The following ENOSF1 variants were observed in gnomAD, a reference collection of about 807,000 sequenced individuals.
The protein encoded by ENOSF1 is enolase superfamily member 1, also known as mitochondrial enolase superfamily member 1.
A neutral mutation model predicts 68.2 loss-of-function variants in ENOSF1; 73 were observed. The observed-to-expected ratio is 1.07, with a 90% confidence interval of 0.89 to 1.30. The LOEUF (loss-of-function observed/expected upper bound fraction) is 1.30. Among genes scored for constraint, ENOSF1 ranks in the 50% most tolerant of loss-of-function variants. The pLI, the probability that ENOSF1 is intolerant of heterozygous loss-of-function variation, is 0.00. For synonymous variants in ENOSF1, 223 were observed against 210.4 expected (o/e 1.06, Z -0.52); for missense variants, 589 against 554.5 (o/e 1.06, Z -0.62).
intron 5 of ENOSF1, chr18:692,738 G>A (rs2145085195): frequency 3.0e-6 from 3 of 992,566 alleles, no homozygotes; most frequent in Non-Finnish European, 3.6e-6. Flanking sequence ...CCCTTTTGGT[G>A]GCTACCTCCT....
intron 2 of ENOSF1, among the ~76,000 whole-genome samples, chr18:701,890 A>T (rs1439307980): frequency 6.6e-6 from 1 of 151,980 alleles, no homozygotes; most frequent in Non-Finnish European, 1.5e-5. Context: ...ACTGCACTCC[A>T]GCCTGGGCAA....
At chr18:682,943 C>A in intron 11 of ENOSF1, 2 of 255,246 alleles carry the variant, frequency 7.8e-6, no homozygotes, top group South Asian at 1.2e-4. Flanking sequence ...AATGCTGTCA[C>A]ATTTCTGTAT....
intron 2 of ENOSF1, among the ~76,000 whole-genome samples, chr18:698,915 C>T (rs1051497661): frequency 6.6e-6 from 1 of 152,134 alleles, no homozygotes; most frequent in African/African-American, 2.4e-5. Context: ...AGACACTGCA[C>T]CCAGCACCTC....
intron 1 of ENOSF1, among the ~76,000 whole-genome samples, chr18:709,149 T>C (rs895437514): frequency 6.6e-6 from 1 of 152,076 alleles, no homozygotes; most frequent in Non-Finnish European, 1.5e-5. Context: ...ACAGGAAGTA[T>C]CCAGACCTAT....
rs745957549 is a variant in ENOSF1 at position 670,816 on chromosome 18, C to T, written c.*3489G>A. ...TGGGCCTCGGTGTGCCTTTCAACATCGCCAGCTACGCCCTGCTCACGTACA... is the reference window on the plus strand; with the variant it reads ...TGGGCCTCGGTGTGCCTTTCAACATTGCCAGCTACGCCCTGCTCACGTACA... On this transcript the variant is annotated 3_prime_UTR_variant, in exon 16 of 16. Transcript: ENST00000647584. 1.2e-5 allele frequency: 19 copies of T among 1,614,010 alleles called. No individual in the cohort carries two copies. The highest frequency in any genetic ancestry group is 1.4e-5 in the Non-Finnish European group (17 of 1,180,036).
chr18:670,678 T>C lies in ENOSF1; in HGVS notation c.*3627A>G. The C allele has an allele frequency of 6.2e-7, 1 of 1,613,330 alleles. No individual in the cohort carries two copies. Among genetic ancestry groups the C allele is most frequent in the Non-Finnish European group, 8.5e-7 (1 of 1,179,498 alleles). ...ACCACCATCCCTCCTTATCTTCCTC[T>C]GCTGGTTCCTCAGATCTTCCTCTGA... On this transcript the variant is annotated 3_prime_UTR_variant, in exon 16 of 16. Transcript: ENST00000647584.
At chr18:691,431 A>T in intron 5 of ENOSF1, 155 bp from the exon 6 acceptor site, 1 of 626,834 alleles carries the variant, frequency 1.6e-6, no homozygotes, top group South Asian at 2.1e-5. Flanking sequence ...CTGCAGCCTC[A>T]GTCTCCCTGG....
intron 1 of ENOSF1, among the ~76,000 whole-genome samples, chr18:708,922 T>C (rs1446256114): frequency 2.0e-5 from 3 of 152,138 alleles, no homozygotes; most frequent in Non-Finnish European, 4.4e-5. Flanking sequence ...CGGCAGTTTC[T>C]GGGTTCCAAG....
intron 5 of ENOSF1, 107 bp downstream of exon 5, chr18:693,775 T>C: frequency 2.6e-6 from 4 of 1,559,262 alleles, no homozygotes; most frequent in East Asian, 4.5e-5. Flanking sequence ...ATCGCTATAG[T>C]GATCAACAGA....
At chr18:668,920 T>C (rs2074919544), downstream of ENOSF1, 1 of 584,032 alleles carries the variant, frequency 1.7e-6, no homozygotes, top group Non-Finnish European at 3.0e-6. Flanking sequence ...CCCACCGAGA[T>C]CTGCAAACTT....
In ENOSF1 at chr18:706,669, C is replaced by A. The variant is rs558478824; in HGVS notation, c.85-91G>T. On this transcript the variant is annotated intron_variant, in intron 1 of 15. Transcript: ENST00000647584. ...TGATGTCACATGAGGACAGACAATGCCACAGGGGCCGTGCCACAAGAGCTC... is the reference window on the plus strand; with the variant it reads ...TGATGTCACATGAGGACAGACAATGACACAGGGGCCGTGCCACAAGAGCTC... 13 of 919,290 alleles carry A rather than the reference C, an allele frequency of 1.4e-5. No homozygotes were observed. The African/African-American group carries it at 1.6e-4, about 11-fold the overall frequency. The allele number at this position is 919,290 out of a possible 1,614,324, so 56.9% of individuals were successfully genotyped here.
downstream of ENOSF1, among the ~76,000 whole-genome samples, chr18:666,992 GT>G (rs1299721287): frequency 2.5e-4 from 2 of 7,986 alleles, no homozygotes; most frequent in Non-Finnish European, 6.5e-4. Flanking sequence ...GATGGTGATG[GT>G]GATGGAGATG....
At chr18:712,177 C>G (rs569533699) in intron 1 of ENOSF1, among the ~76,000 whole-genome samples, 1 of 152,202 alleles carries the variant, frequency 6.6e-6, no homozygotes, top group Admixed American at 6.5e-5. Flanking sequence ...AAAGAAAAAA[C>G]CCAGGAGAGT....
At chr18:669,249 ACCTGAGGGAGGCAGGAC>A, downstream of ENOSF1, 1 of 1,297,726 alleles carries the variant, frequency 7.7e-7, no homozygotes, top group South Asian at 1.3e-5. Flanking sequence ...GTGCAGAGGC[ACCTGAGGGAGGCAGGAC>A]CCTGGGAACT....
chr18:697,147 C>A, intron 3 of ENOSF1, 93 bp downstream of exon 3: 1 of 873,808 alleles, frequency 1.1e-6, no homozygotes, highest in South Asian at 1.3e-5. Flanking sequence ...AATAAATAAA[C>A]CCATCTCTAT....
chr18:680,838 G>A (rs7236747), intron 11 of ENOSF1, among the ~76,000 whole-genome samples: 57,659 of 149,204 alleles, frequency 0.39, 12,145 homozygotes, highest in African/African-American at 0.56. Flanking sequence ...ACATCACCGC[G>A]CCCTGCTAAT....
intron 1 of ENOSF1, chr18:712,299 C>T (rs2079647853): frequency 4.6e-6 from 7 of 1,511,420 alleles, no homozygotes; most frequent in South Asian, 2.4e-5. Context: ...GGAAGCTGCC[C>T]GGGGCCCGCA....
intron 1 of ENOSF1, 77 bp from the exon 2 acceptor site, chr18:706,655 G>T: frequency 9.1e-7 from 1 of 1,104,388 alleles, no homozygotes; most frequent in Non-Finnish European, 1.4e-6. Context: ...GATGTCACAT[G>T]AGGACAGACA....
intron 5 of ENOSF1, chr18:693,356 C>G: frequency 8.4e-7 from 1 of 1,195,362 alleles, no homozygotes; most frequent in Non-Finnish European, 1.1e-6. Context: ...GGGTCTTGCT[C>G]TGTCACCTGA....
Sources: allele counts gnomAD v4.1 joint callset (sites outside exome capture counted in the v4.1 genomes callset), GRCh38; gene constraint gnomAD v4.1.1; transcripts MANE v1.5; gene names NCBI Gene and HGNC (gene_info 2026-07-23, HGNC 2026-07-21).